The following PAPPA2 variants were observed in gnomAD, a reference collection of about 807,000 sequenced individuals.
The protein encoded by PAPPA2 is pappalysin 2, also known as pappalysin-2.
PAPPA2 carries 86 observed loss-of-function variants against 176.4 expected under a neutral mutation model. The observed-to-expected ratio is 0.49, with a 90% CI of 0.41 to 0.58. The LOEUF (loss-of-function observed/expected upper bound fraction) is 0.58, where lower values mean the gene tolerates loss of function less well. Among genes scored for constraint, PAPPA2 ranks in the 20% least tolerant of loss-of-function variants. The pLI, the probability that PAPPA2 is intolerant of heterozygous loss-of-function variation, is 0.00. For synonymous variants in PAPPA2, 809 were observed against 852.2 expected (o/e 0.95, Z 0.88); for missense variants, 2,073 against 2,256.9 (o/e 0.92, Z 1.65).
chr1:176,700,108 CA>C (rs1168039384), intron 8 of PAPPA2, among the ~76,000 whole-genome samples: 1 of 152,160 alleles, frequency 6.6e-6, no homozygotes, highest in African/African-American at 2.4e-5. Context: ...CCCCAATAAC[CA>C]ACTCTCTTTT....
chr1:176,616,057 G>T (rs1655204201), intron 3 of PAPPA2, among the ~76,000 whole-genome samples: 2 of 152,168 alleles, frequency 1.3e-5, no homozygotes, highest in South Asian at 2.1e-4. Context: ...CTGACAGCAA[G>T]AATCTTTTGC....
chr1:176,591,833 T>C (rs1212837427), intron 2 of PAPPA2, among the ~76,000 whole-genome samples: 2 of 152,334 alleles, frequency 1.3e-5, no homozygotes, highest in East Asian at 3.9e-4. Context: ...TTTAAACAAA[T>C]GATTTAAAAG....
At position 176,789,864 on chromosome 1, in the gene PAPPA2, A is replaced by C; in HGVS notation, c.4771A>C (p.Ile1591Leu). Residue 1591 changes from isoleucine to leucine, a missense_variant, in exon 18 of 23, where the codon ATT (isoleucine) becomes CTT (leucine). Physicochemically the swap from Ile to Leu is conservative, Grantham distance 5 (BLOSUM62 2). Around this residue, in one of 4 missense-constraint regions of PAPPA2, gnomAD observed 846 missense variants for 857.9 expected, o/e 0.99. Coordinates refer to ENST00000367662, the MANE Select transcript of PAPPA2 (RefSeq NM_020318.3). The part of the protein sequence containing the change: ...EGGIWEQGSC[I>L]PVVCEPPPPV... ...TGGAATCTGGGAGCAAGGCAGCTGC[A>C]TTCCTGTGGTGTGTGAGCCACCCCC... 3 of 1,614,124 alleles carry C rather than the reference A, an allele frequency of 1.9e-6. No individual in the cohort carries two copies. Among genetic ancestry groups the C allele is most frequent in the Non-Finnish European group, 2.5e-6 (3 of 1,180,004 alleles).
At chr1:176,497,402 T>G (rs1647689652) in intron 1 of PAPPA2, among the ~76,000 whole-genome samples, 1 of 152,148 alleles carries the variant, frequency 6.6e-6, no homozygotes, top group South Asian at 2.1e-4. Flanking sequence ...TACCAAAGAC[T>G]TCTAATTATT....
rs757620399 is a variant in PAPPA2 at position 176,793,586 on chromosome 1, A to C, written c.5047A>C (p.Ile1683Leu). 3 of 1,612,880 alleles carry C rather than the reference A, an allele frequency of 1.9e-6. No individual in the cohort carries two copies. The highest frequency in any genetic ancestry group is 2.2e-5 in the South Asian group (2 of 91,022). The change falls in exon 20 of 23, where the codon ATC becomes CTC. Residue 1683 changes from isoleucine (I) to leucine (L), a missense_variant. Physicochemically the swap from Ile to Leu is conservative, Grantham distance 5. Around this residue, in one of 4 missense-constraint regions of PAPPA2, gnomAD observed 846 missense variants for 857.9 expected, o/e 0.99. Coordinates refer to ENST00000367662, the MANE Select transcript of PAPPA2 (RefSeq NM_020318.3). ...TGCAGTGTGTTCCCCATTGTGTGTA[A>C]TCCCCCCCAGTGACCCCGTGATGCT... is the stretch of plus-strand genomic sequence containing the variant. ...IGAVCSPLCV[I>L]PPSDPVMLPE...
intron 16 of PAPPA2, among the ~76,000 whole-genome samples, chr1:176,770,355 T>C (rs1415091363): frequency 6.6e-6 from 1 of 152,182 alleles, no homozygotes; most frequent in Admixed American, 6.5e-5. Flanking sequence ...GTCCATGGAC[T>C]GCATTCGGAG....
intron 3 of PAPPA2, 56 bp downstream of exon 3, chr1:176,595,651 T>A: frequency 1.3e-6 from 2 of 1,517,172 alleles, no homozygotes; most frequent in South Asian, 2.5e-5. Context: ...TAACATCATT[T>A]TATCTGTTTG....
intron 3 of PAPPA2, among the ~76,000 whole-genome samples, chr1:176,611,546 A>G (rs1654925467): frequency 6.6e-6 from 1 of 152,154 alleles, no homozygotes; most frequent in South Asian, 2.1e-4. Flanking sequence ...TCATATTTGT[A>G]CCTTTCTGTA....
chr1:176,770,989 T>A lies in PAPPA2; in HGVS notation c.4524T>A (p.Cys1508Ter). 6 of 1,614,144 alleles carry A rather than the reference T, an allele frequency of 3.7e-6. No homozygotes were observed. The highest frequency in any genetic ancestry group is 5.1e-6 in the Non-Finnish European group (6 of 1,180,016). The change falls in exon 17 of 23, where the codon TGT becomes TGA. Residue 1508 changes from cysteine (C) to a stop codon, truncating the protein, a stop_gained. Transcript: ENST00000367662. LOFTEE classifies it high-confidence loss of function. ...KLQGLSPWLT[C>*]LEDGLWSLPE... ...CAGGACTGAGCCCATGGCTGACATG[T>A]CTTGAAGATGGTCTCTGGTCTCTCC...
intron 3 of PAPPA2, among the ~76,000 whole-genome samples, chr1:176,666,607 G>GTA (rs1558506299): frequency 6.8e-6 from 1 of 147,568 alleles, no homozygotes; most frequent in Non-Finnish European, 1.5e-5. Flanking sequence ...GTGTGTGTGT[G>GTA]TGAGAGAGAG....
chr1:176,674,539 A>C (rs904025868), intron 4 of PAPPA2, among the ~76,000 whole-genome samples: 2 of 152,088 alleles, frequency 1.3e-5, no homozygotes, highest in Admixed American at 1.3e-4. Context: ...GAGTTACTTC[A>C]CTTAGAATAA....
intron 19 of PAPPA2, among the ~76,000 whole-genome samples, chr1:176,792,154 A>G (rs1380535045): frequency 6.6e-6 from 1 of 152,206 alleles, no homozygotes; most frequent in Non-Finnish European, 1.5e-5. Flanking sequence ...CTGCAGAGGA[A>G]TAGGCTCCAG....
intron 3 of PAPPA2, among the ~76,000 whole-genome samples, chr1:176,623,669 T>TTCTTTCTTTCTTTC (rs760279254): frequency 1.7e-5 from 1 of 58,762 alleles, no homozygotes; most frequent in African/African-American, 8.7e-5. Context: ...CTTTCTTTCT[T>TTCTTTCTTTCTTTC]TTTCTTTCTT....
intron 1 of PAPPA2, among the ~76,000 whole-genome samples, chr1:176,511,969 A>T (rs1443650699): frequency 1.3e-5 from 2 of 152,138 alleles, no homozygotes; most frequent in African/African-American, 4.8e-5. Context: ...TTAAAATTAA[A>T]TCCATAGATT....
intron 3 of PAPPA2, among the ~76,000 whole-genome samples, chr1:176,660,362 G>A (rs972824148): frequency 2.0e-5 from 3 of 151,576 alleles, no homozygotes; most frequent in Admixed American, 6.6e-5. Context: ...GTGTGTGTGT[G>A]CTTAAGTGTA....
intron 2 of PAPPA2, among the ~76,000 whole-genome samples, chr1:176,586,560 G>A (rs900520627): frequency 1.2e-4 from 19 of 152,094 alleles, no homozygotes; most frequent in Admixed American, 6.5e-4. Context: ...TTCTGTTCCT[G>A]TGTTAGTTGG....
chr1:176,546,200 T>G (rs1650627307), intron 1 of PAPPA2, among the ~76,000 whole-genome samples: 3 of 152,348 alleles, frequency 2.0e-5, no homozygotes, highest in East Asian at 3.9e-4. Context: ...AACACTGCTC[T>G]AAAACCTGTA....
intron 3 of PAPPA2, among the ~76,000 whole-genome samples, chr1:176,650,169 A>T (rs1657636264): frequency 6.6e-6 from 1 of 151,302 alleles, no homozygotes; most frequent in African/African-American, 2.4e-5. Flanking sequence ...CTCTTTTTAC[A>T]GTCTTTGATT....
chr1:176,795,044 A>G (rs1443618365), intron 20 of PAPPA2, among the ~76,000 whole-genome samples: 1 of 152,162 alleles, frequency 6.6e-6, no homozygotes, highest in African/African-American at 2.4e-5. Flanking sequence ...TCATGTCCTC[A>G]TGTGCCCAGA....
Sources: gnomAD v4.1 joint callset for allele counts (sites outside exome capture counted in the v4.1 genomes callset) on GRCh38, gnomAD v4.1.1 for gene constraint, gnomAD v4.1.1 regional missense constraint, MANE v1.5 for transcripts, NCBI Gene and HGNC (gene_info 2026-07-23, HGNC 2026-07-21) for gene names.